Variants in SLC8A1 observed in about 807,000 individuals in gnomAD.
SLC8A1 encodes solute carrier family 8 member A1.
SLC8A1 carries 18 observed loss-of-function variants against 68.3 expected under a neutral mutation model. The observed-to-expected ratio is 0.26, with a 90% CI of 0.18 to 0.39. The LOEUF is 0.39. Ranked by LOEUF, SLC8A1 falls within the 10% of genes least tolerant of loss-of-function variation. The pLI, the probability that SLC8A1 is intolerant of heterozygous loss-of-function variation, is 1.00. For synonymous variants in SLC8A1, 475 were observed against 415.5 expected (o/e 1.14, Z -1.74); for missense variants, 985 against 1,156.7 (o/e 0.85, Z 2.15).
chr2:40,310,153 T>C (rs542999107), intron 2 of SLC8A1, among the ~76,000 whole-genome samples: 29 of 152,370 alleles, frequency 1.9e-4, no homozygotes, highest in East Asian at 1.5e-3. Context: ...TTCCAAGTAA[T>C]TACTGTGTCC....
intron 1 of SLC8A1, among the ~76,000 whole-genome samples, chr2:40,503,690 G>A (rs1706188752): frequency 6.6e-6 from 1 of 151,818 alleles, no homozygotes; most frequent in African/African-American, 2.4e-5. Flanking sequence ...GAAATAAAAA[G>A]TAATCCCATT....
At chr2:40,288,432 A>G (rs912756834) in intron 2 of SLC8A1, among the ~76,000 whole-genome samples, 2 of 152,120 alleles carry the variant, frequency 1.3e-5, no homozygotes, top group African/African-American at 2.4e-5. Context: ...GTGCAACCTC[A>G]TCAGTGTGAG....
chr2:40,216,759 T>C lies in SLC8A1; in HGVS notation c.1809-38904A>G, dbSNP rs546873109. ...TGCATTTCTCTAATGACCAGTGATG[T>C]TGGGCTTCTTTTCATATTTTTGTTG... On this transcript the variant is annotated intron_variant, in intron 2 of 7. Transcript: ENST00000406785. 5.9e-5 allele frequency among the ~76,000 whole-genome samples: 9 copies of C among 152,320 alleles called. No individual in the cohort carries two copies. The South Asian group carries it at 1.7e-3, about 28-fold the overall frequency.
chr2:40,350,429 T>A (rs2149442761), intron 2 of SLC8A1, among the ~76,000 whole-genome samples: 2 of 152,056 alleles, frequency 1.3e-5, no homozygotes, highest in Admixed American at 1.3e-4. Context: ...TGCAATGAAC[T>A]GTGATCGTGC....
chr2:40,244,329 C>T (rs1315840645), intron 2 of SLC8A1, among the ~76,000 whole-genome samples: 1 of 152,064 alleles, frequency 6.6e-6, no homozygotes, highest in Non-Finnish European at 1.5e-5. Flanking sequence ...TCCTTCTGAG[C>T]GTTTCCACAT....
chr2:40,310,803 A>G (rs2073531503), intron 2 of SLC8A1, among the ~76,000 whole-genome samples: 1 of 152,110 alleles, frequency 6.6e-6, no homozygotes. Context: ...GGATCCCAAC[A>G]GATGGATCTG....
intron 2 of SLC8A1, among the ~76,000 whole-genome samples, chr2:40,288,449 T>C (rs535734853): frequency 6.6e-6 from 1 of 152,114 alleles, no homozygotes; most frequent in Non-Finnish European, 1.5e-5. Context: ...TGAGATATTC[T>C]TGCTGGTCAT....
chr2:40,233,401 G>A lies in SLC8A1; in HGVS notation c.1809-55546C>T, dbSNP rs1375156901. On this transcript the variant is annotated intron_variant, in intron 2 of 7. Coordinates refer to ENST00000406785, the Ensembl canonical transcript of SLC8A1. Reference sequence around the variant, plus strand: ...TGGCTGCATAAATGTCTTCTTTTGAGAAGTGTCTGTTCATGTCCTTTGCCC... The same window carrying A: ...TGGCTGCATAAATGTCTTCTTTTGAAAAGTGTCTGTTCATGTCCTTTGCCC... 4.6e-5 allele frequency among the ~76,000 whole-genome samples: 7 copies of A among 150,880 alleles called. No individual in the cohort carries two copies. The East Asian group carries it at 1.4e-3, about 29-fold the overall frequency.
chr2:40,164,346 T>C (rs1573422887), intron 5 of SLC8A1, among the ~76,000 whole-genome samples: 1 of 152,336 alleles, frequency 6.6e-6, no homozygotes, highest in East Asian at 1.9e-4. Context: ...ATATTGACTG[T>C]ACTAAAATGT....
intron 7 of SLC8A1, among the ~76,000 whole-genome samples, chr2:40,137,253 G>T (rs191533107): frequency 6.6e-6 from 1 of 152,302 alleles, no homozygotes; most frequent in East Asian, 1.9e-4. Flanking sequence ...CCAGCTTGAG[G>T]GTATATTGGA....
At chr2:40,342,606 C>T (rs4521092) in intron 2 of SLC8A1, among the ~76,000 whole-genome samples, 77,938 of 151,996 alleles carry the variant, frequency 0.51, 22,534 homozygotes, top group African/African-American at 0.8. Flanking sequence ...CCCCAGGGGG[C>T]CAACATGCTG....
chr2:40,345,835 G>C (rs922640367), intron 2 of SLC8A1, among the ~76,000 whole-genome samples: 2 of 152,054 alleles, frequency 1.3e-5, no homozygotes, highest in Admixed American at 1.3e-4. Context: ...CACACACTGG[G>C]CCCTGTCGGG....
At chr2:40,480,779 G>A (rs974801074) in intron 1 of SLC8A1, among the ~76,000 whole-genome samples, 3 of 152,082 alleles carry the variant, frequency 2.0e-5, no homozygotes, top group African/African-American at 7.3e-5. Context: ...GAGAATGAAT[G>A]AGCTCACTAA....
At chr2:40,106,720 C>A (rs1327215551) in exon 8 of SLC8A1, 1 of 152,136 alleles carries the variant, frequency 6.6e-6, no homozygotes. Flanking sequence ...AAATAACTTT[C>A]CATTATAATA....
intron 1 of SLC8A1, chr2:40,446,282 A>G (rs1302499994): frequency 6.6e-6 from 1 of 152,236 alleles, no homozygotes; most frequent in African/African-American, 2.4e-5. Flanking sequence ...TTTGGTTTCA[A>G]GTATAAAATG....
intron 1 of SLC8A1, among the ~76,000 whole-genome samples, chr2:40,482,280 T>C (rs1457125671): frequency 1.3e-5 from 2 of 152,120 alleles, no homozygotes; most frequent in Non-Finnish European, 2.9e-5. Context: ...TTTTCACACA[T>C]TGCAGGGTCA....
intron 6 of SLC8A1, among the ~76,000 whole-genome samples, chr2:40,154,749 T>C (rs958827244): frequency 6.6e-6 from 1 of 152,034 alleles, no homozygotes; most frequent in African/African-American, 2.4e-5. Flanking sequence ...ACTGCAGCCT[T>C]GAACTCCTGG....
chr2:40,264,513 T>G (rs1380361169), intron 2 of SLC8A1, among the ~76,000 whole-genome samples: 1 of 152,118 alleles, frequency 6.6e-6, no homozygotes, highest in Non-Finnish European at 1.5e-5. Flanking sequence ...TGGAATACTA[T>G]GCAGCCATAA....
At chr2:40,115,131 T>C (rs2035083389) in exon 8 of SLC8A1, 1 of 714,964 alleles carries the variant, frequency 1.4e-6, no homozygotes, top group Non-Finnish European at 2.0e-6. Context: ...GAGTATGCTC[T>C]TGAAGCTGGA....
Sources: allele counts gnomAD v4.1 joint callset (sites outside exome capture counted in the v4.1 genomes callset), GRCh38; gene constraint gnomAD v4.1.1; transcripts MANE v1.5; gene names NCBI Gene and HGNC (gene_info 2026-07-23, HGNC 2026-07-21).